Variants in NAALADL2 observed in about 807,000 individuals in gnomAD.
NAALADL2 encodes the protein inactive N-acetylated-alpha-linked acidic dipeptidase-like protein 2.
NAALADL2 carries 76 observed loss-of-function variants against 87.2 expected under a neutral mutation model. That is an observed-to-expected ratio of 0.87 (90% CI 0.72 to 1.05). The LOEUF is 1.05. NAALADL2 is among the 50% of genes least tolerant of loss of function. The pLI, the probability that NAALADL2 is intolerant of heterozygous loss-of-function variation, is 0.00. For missense variants in NAALADL2, 1,089 were observed against 945.8 expected (o/e 1.15, Z -1.99); for synonymous variants, 354 against 331.0 (o/e 1.07, Z -0.75).
intron 3 of NAALADL2, among the ~76,000 whole-genome samples, chr3:174,824,250 A>G (rs1413380212): frequency 6.6e-6 from 1 of 152,194 alleles, no homozygotes. Context: ...ATTTTAATTT[A>G]TTAAATAGTA....
intron 1 of NAALADL2, among the ~76,000 whole-genome samples, chr3:174,916,873 T>C (rs1361785999): frequency 6.6e-6 from 1 of 152,058 alleles, no homozygotes; most frequent in Non-Finnish European, 1.5e-5. Context: ...AATAAAAAAT[T>C]AAATTACTTA....
At chr3:174,776,565 C>A (rs1715235048) in intron 3 of NAALADL2, among the ~76,000 whole-genome samples, 1 of 152,106 alleles carries the variant, frequency 6.6e-6, no homozygotes, top group Non-Finnish European at 1.5e-5. Flanking sequence ...CTAATCTGTA[C>A]TCCATTAGCC....
chr3:175,359,679 T>A (rs1174304408), intron 5 of NAALADL2, among the ~76,000 whole-genome samples: 3 of 152,128 alleles, frequency 2.0e-5, no homozygotes, highest in Non-Finnish European at 4.4e-5. Flanking sequence ...TTTATGATTA[T>A]AATACAATGA....
chr3:175,643,203 AGTTT>A (rs1406368080), intron 11 of NAALADL2, among the ~76,000 whole-genome samples: 7 of 152,182 alleles, frequency 4.6e-5, no homozygotes, highest in Non-Finnish European at 8.8e-5. Context: ...ATGTTGCAAT[AGTTT>A]GTTTATTTTC....
At chr3:175,266,928 A>G (rs993216811) in intron 4 of NAALADL2, among the ~76,000 whole-genome samples, 3 of 151,850 alleles carry the variant, frequency 2.0e-5, no homozygotes, top group African/African-American at 7.2e-5. Context: ...AAAAAGGACA[A>G]TTTTGATACT....
intron 1 of NAALADL2, among the ~76,000 whole-genome samples, chr3:174,508,811 G>A (rs748328503): frequency 2.6e-5 from 4 of 152,172 alleles, no homozygotes; most frequent in Non-Finnish European, 5.9e-5. Context: ...ACTTTGGGAG[G>A]CCGAGGTGGA....
chr3:174,961,681 G>A (rs1742021949), intron 1 of NAALADL2, among the ~76,000 whole-genome samples: 1 of 152,040 alleles, frequency 6.6e-6, no homozygotes, highest in African/African-American at 2.4e-5. Context: ...TTATAGTCTT[G>A]TGTATTATTA....
intron 4 of NAALADL2, among the ~76,000 whole-genome samples, chr3:175,263,628 G>A (rs188855187): frequency 6.6e-6 from 1 of 151,796 alleles, no homozygotes; most frequent in Admixed American, 6.6e-5. Flanking sequence ...CCCCATGTAT[G>A]TATACAAAGT....
intron 1 of NAALADL2, among the ~76,000 whole-genome samples, chr3:174,489,410 C>G (rs1338058820): frequency 6.6e-6 from 1 of 151,978 alleles, no homozygotes; most frequent in Admixed American, 6.6e-5. Context: ...ATGAATATAT[C>G]TTCATGACCT....
At chr3:175,751,926 C>G (rs1583111766) in intron 12 of NAALADL2, among the ~76,000 whole-genome samples, 1 of 152,006 alleles carries the variant, frequency 6.6e-6, no homozygotes, top group Non-Finnish European at 1.5e-5. Context: ...CCTACAATAG[C>G]CTCTTTTCTT....
chr3:175,524,974 C>A (rs1733179352), intron 9 of NAALADL2, among the ~76,000 whole-genome samples: 1 of 151,934 alleles, frequency 6.6e-6, no homozygotes, highest in Admixed American at 6.6e-5. Context: ...TGTATGGCAG[C>A]AAAAAGAAGG....
chr3:175,165,811 G>C (rs1305073181), intron 2 of NAALADL2, among the ~76,000 whole-genome samples: 2 of 152,018 alleles, frequency 1.3e-5, no homozygotes, highest in Non-Finnish European at 2.9e-5. Context: ...CCCAAACACA[G>C]AGACACCTCG....
chr3:175,069,254 C>A (rs989696210), intron 1 of NAALADL2, among the ~76,000 whole-genome samples: 2 of 149,518 alleles, frequency 1.3e-5, no homozygotes, highest in Non-Finnish European at 2.9e-5. Context: ...ATTTTCGCAA[C>A]CTACTCATCT....
At chr3:175,481,856 C>A (rs1726521343) in intron 9 of NAALADL2, among the ~76,000 whole-genome samples, 1 of 151,900 alleles carries the variant, frequency 6.6e-6, no homozygotes, top group Non-Finnish European at 1.5e-5. Context: ...ATATATTATA[C>A]AATTACATTT....
chr3:175,208,192 T>A (rs926381387), intron 2 of NAALADL2, among the ~76,000 whole-genome samples: 3 of 152,120 alleles, frequency 2.0e-5, no homozygotes, highest in Admixed American at 2.0e-4. Context: ...CCGTTACTTA[T>A]TTATTTCTAT....
chr3:175,072,863 G>T (rs1580301851), intron 1 of NAALADL2, among the ~76,000 whole-genome samples: 2 of 151,758 alleles, frequency 1.3e-5, no homozygotes, highest in South Asian at 4.2e-4. Flanking sequence ...AACGAAAAAT[G>T]GAAAAGTTAA....
chr3:175,111,763 A>G (rs1182915868), intron 2 of NAALADL2, among the ~76,000 whole-genome samples: 1 of 151,578 alleles, frequency 6.6e-6, no homozygotes, highest in Non-Finnish European at 1.5e-5. Flanking sequence ...CAGGAAAGGG[A>G]AAATTAGGGT....
Position 174,458,824 on chromosome 3 carries a change from C to A in NAALADL2, c.-184+17792C>A, listed in dbSNP as rs186467388. On this transcript the variant is annotated intron_variant, in intron 1 of 3. Transcript: ENST00000434257. ...ATAGCCCAATGAATAAGGCTGATTG[C>A]AATTAGCCTTTTATTAGACTATAGC... Among the ~76,000 whole-genome samples, 8 of 152,280 alleles carry A rather than the reference C, an allele frequency of 5.3e-5. No individual in the cohort carries two copies. The East Asian group carries it at 1.3e-3, about 26-fold the overall frequency.
intron 2 of NAALADL2, among the ~76,000 whole-genome samples, chr3:174,698,700 T>C (rs995280506): frequency 1.5e-5 from 2 of 129,092 alleles, no homozygotes; most frequent in Admixed American, 1.6e-4. Flanking sequence ...CCGTCTCTAC[T>C]AAAAATACAA....
Sources: gnomAD v4.1 joint callset for allele counts (sites outside exome capture counted in the v4.1 genomes callset) on GRCh38, gnomAD v4.1.1 for gene constraint, MANE v1.5 for transcripts, NCBI Gene and HGNC (gene_info 2026-07-23, HGNC 2026-07-21) for gene names.